ITGB4: variants seen among roughly 807,000 people sequenced by gnomAD.
ITGB4 encodes integrin beta-4.
In ITGB4, 159 loss-of-function variants were observed where a neutral mutation model predicts 207.6. That is an observed-to-expected ratio of 0.77 (90% CI 0.67 to 0.87). ITGB4 has a LOEUF of 0.87. Ranked by LOEUF, ITGB4 falls within the 40% of genes least tolerant of loss-of-function variation. The pLI, the probability that ITGB4 is intolerant of heterozygous loss-of-function variation, is 0.00. For synonymous variants in ITGB4, 1,020 were observed against 1,062.7 expected (o/e 0.96, Z 0.78); for missense variants, 2,278 against 2,546.8 (o/e 0.89, Z 2.27).
chr17:75,730,179 C>T (rs574848214), intron 7 of ITGB4, 62 bp from the exon 8 acceptor site: 56 of 1,605,730 alleles, frequency 3.5e-5, no homozygotes, highest in Middle Eastern at 2.1e-4. Flanking sequence ...TCCTACACGA[C>T]GCCGTGATGC....
At position 75,752,597 on chromosome 17, in the gene ITGB4, C is replaced by A; in HGVS notation, c.4108+20C>A. 2 of 1,613,088 alleles carry A rather than the reference C, an allele frequency of 1.2e-6. No homozygotes were observed. Among genetic ancestry groups the A allele is most frequent in the Non-Finnish European group, 1.7e-6 (2 of 1,179,788 alleles). On this transcript the variant is annotated intron_variant, in intron 32 of 39. Coordinates refer to ENST00000200181, the MANE Select transcript of ITGB4 (RefSeq NM_000213.5). The stretch of plus-strand genomic sequence containing the variant: ...ACACTGGTGAGTGGAGACCTGGGAC[C>A]CACAAGAGGACAGTGGGGGTCTTGG...
At chr17:75,754,964 A>T in intron 34 of ITGB4, 149 bp downstream of exon 34, 1 of 1,524,046 alleles carries the variant, frequency 6.6e-7, no homozygotes, top group African/African-American at 1.4e-5. Context: ...GTGCACACGC[A>T]TGCACACATG....
intron 32 of ITGB4, 23 bp downstream of exon 32, chr17:75,752,600 C>G (rs2061394400): frequency 6.2e-7 from 1 of 1,613,006 alleles, no homozygotes; most frequent in Non-Finnish European, 8.5e-7. Context: ...CTGGGACCCA[C>G]AAGAGGACAG....
Position 75,731,393 on chromosome 17 carries a change from G to A in ITGB4, c.1215+25G>A, listed in dbSNP as rs1488163539. ...GGTACGCCTCTGTGGGGGCAGCGGGGTGGGGGATAGGCACAGCGCCCCACA... is the reference window on the plus strand; with the variant it reads ...GGTACGCCTCTGTGGGGGCAGCGGGATGGGGGATAGGCACAGCGCCCCACA... On this transcript the variant is annotated intron_variant, in intron 10 of 39. Coordinates refer to ENST00000200181, the MANE Select transcript of ITGB4 (RefSeq NM_000213.5). This position sits in a 1 kb window ranked among gnomAD's most constrained non-coding sequence, Gnocchi z 6.8. The A allele has an allele frequency of 6.3e-7, 1 of 1,599,366 alleles. No individual in the cohort carries two copies. Among genetic ancestry groups the A allele is most frequent in the Non-Finnish European group, 8.5e-7 (1 of 1,170,726 alleles).
Position 75,754,693 on chromosome 17 carries a change from A to G in ITGB4, c.4436A>G (p.His1479Arg), listed in dbSNP as rs375629632. The part of the protein sequence containing the change: ...YGTHLSPHVP[H>R]RVLSTSSTLT... ...ACCCACCTGAGCCCACACGTGCCCC[A>G]CCGCGTGCTAAGCACATCCTCCACC... Residue 1479 changes from histidine to arginine, a missense_variant, in exon 34 of 40, where the codon CAC becomes CGC. Coordinates refer to ENST00000200181, the MANE Select transcript of ITGB4 (RefSeq NM_000213.5). The G allele has an allele frequency of 1.7e-5, 28 of 1,614,014 alleles. No homozygotes were observed. The highest frequency in any genetic ancestry group is 1.1e-4 in the East Asian group (5 of 44,866).
rs1238616250 is a variant in ITGB4 at position 75,731,832 on chromosome 17, G to A, written c.1236G>A (p.Leu412=). The change falls in exon 11 of 40, where the codon CTG becomes CTA. Residue 412 remains leucine (L), a synonymous_variant. Transcript: ENST00000200181. This position sits in a 1 kb window ranked among gnomAD's most constrained non-coding sequence, Gnocchi z 6.8. ...TGCAGGGTATATACCAGGTGCAGCT[G>A]CGGGCCCTTGAGCACGTGGATGGGA... The part of the protein sequence containing the change: ...RGEVGIYQVQ[L]RALEHVDGTH... 6.2e-7 allele frequency: 1 copy of A among 1,605,722 alleles called. No homozygotes were observed. The highest frequency in any genetic ancestry group is 1.1e-5 in the South Asian group (1 of 89,834).
chr17:75,736,188 A>G, intron 14 of ITGB4, 34 bp downstream of exon 14: 12 of 1,598,806 alleles, frequency 7.5e-6, no homozygotes, highest in Non-Finnish European at 1.0e-5. Flanking sequence ...AGTGTCTGTC[A>G]GCACCACCCA....
chr17:75,752,286 C>T lies in ITGB4; in HGVS notation c.3906C>T (p.Asn1302=), dbSNP rs773974926. Residue 1302 remains asparagine, a synonymous_variant, in exon 31 of 40, where the codon AAC becomes AAT. Coordinates refer to ENST00000200181, the MANE Select transcript of ITGB4 (RefSeq NM_000213.5). ...QPYRYTVKAR[N]GAGWGPEREA... Reference sequence around the variant, plus strand: ...ACCGCTACACGGTGAAGGCGCGCAACGGGGCCGGCTGGGGGCCTGAGCGGG... The same window carrying T: ...ACCGCTACACGGTGAAGGCGCGCAATGGGGCCGGCTGGGGGCCTGAGCGGG... 17 of 1,613,340 alleles carry T rather than the reference C, an allele frequency of 1.1e-5. No individual in the cohort carries two copies. Among genetic ancestry groups the T allele is most frequent in the East Asian group, 6.7e-5 (3 of 44,882 alleles).
chr17:75,727,884 A>C lies in ITGB4; in HGVS notation c.469+29A>C, dbSNP rs767737979. 6.2e-7 allele frequency: 1 copy of C among 1,605,540 alleles called. No individual in the cohort carries two copies. The highest frequency in any genetic ancestry group is 1.1e-5 in the South Asian group (1 of 90,858). ...CGGCAGGGCCAGAGTGGAGGACAGC[A>C]GGGCAGGAGGGGGACAGGTGGGCGT... On this transcript the variant is annotated intron_variant, in intron 5 of 39. Transcript: ENST00000200181. This position sits in a 1 kb window ranked among gnomAD's most constrained non-coding sequence, Gnocchi z 6.0.
intron 34 of ITGB4, 75 bp downstream of exon 34, chr17:75,754,890 G>C (rs951691918): frequency 1.2e-6 from 2 of 1,601,820 alleles, no homozygotes; most frequent in African/African-American, 2.7e-5. Context: ...TCGGGCTTCT[G>C]TCTGCTGTCC....
At chr17:75,745,279 G>C (rs2061208757) in intron 26 of ITGB4, among the ~76,000 whole-genome samples, 2 of 152,020 alleles carry the variant, frequency 1.3e-5, no homozygotes, top group Admixed American at 1.3e-4. Flanking sequence ...TGTGGACCCA[G>C]CTACTTGGAA....
rs1337845507 is a variant in ITGB4, at chr17:75,727,385, C to A, written c.163-19C>A. 1 of 1,613,786 alleles carries A rather than the reference C, an allele frequency of 6.2e-7. No individual in the cohort carries two copies. Among genetic ancestry groups the A allele is most frequent in the Non-Finnish European group, 8.5e-7 (1 of 1,179,754 alleles). ...GGGAATGGGTGCTGCCCCCAGTGACCCCCTGTCCTTCTGGCCAGATGTTCA... is the reference window on the plus strand; with the variant it reads ...GGGAATGGGTGCTGCCCCCAGTGACACCCTGTCCTTCTGGCCAGATGTTCA... On this transcript the variant is annotated intron_variant, in intron 3 of 39. Transcript: ENST00000200181. The surrounding 1 kb of genome is among the most constrained non-coding windows in gnomAD (Gnocchi z 6.0).
Position 75,739,110 on chromosome 17 carries a change from A to G in ITGB4, c.2221-562A>G, listed in dbSNP as rs566554388. ...CAGGAGTTGGAGACAAGCCCGGCCA[A>G]TATGGTGACACCCCATCTCTACTAG... On this transcript the variant is annotated intron_variant, in intron 18 of 39. Transcript: ENST00000200181. This position sits in a 1 kb window ranked among gnomAD's most constrained non-coding sequence, Gnocchi z 5.4. Among the ~76,000 whole-genome samples the G allele has an allele frequency of 7.9e-5, 12 of 152,276 alleles. No individual in the cohort carries two copies. Among genetic ancestry groups the G allele is most frequent in the African/African-American group, 2.2e-4 (9 of 41,552 alleles).
chr17:75,741,763 G>A (rs921664292), intron 23 of ITGB4, among the ~76,000 whole-genome samples: 12 of 151,414 alleles, frequency 7.9e-5, no homozygotes, highest in Admixed American at 5.9e-4. Context: ...CCGAGATTGC[G>A]CCACTGCACT....
Position 75,729,519 on chromosome 17 carries a change from C to A in ITGB4, c.738+83C>A. On this transcript the variant is annotated intron_variant, in intron 7 of 39. Transcript: ENST00000200181. This position sits in a 1 kb window ranked among gnomAD's most constrained non-coding sequence, Gnocchi z 4.4. Reference sequence around the variant, plus strand: ...GGCCTGAGCTGCCCCCTGGCCTGCTCTGGTGCCAGGCTCACAGGCCCTGAG... The same window carrying A: ...GGCCTGAGCTGCCCCCTGGCCTGCTATGGTGCCAGGCTCACAGGCCCTGAG... The A allele has an allele frequency of 7.0e-7, 1 of 1,438,260 alleles. No homozygotes were observed. The highest frequency in any genetic ancestry group is 1.3e-5 in the South Asian group (1 of 77,260). The allele number at this position is 1,438,260 out of a possible 1,614,324, so 89.1% of individuals were successfully genotyped here.
In ITGB4 at chr17:75,730,328, G is replaced by A. The variant is rs372938338; in HGVS notation, c.826G>A (p.Val276Met). 12 of 1,613,668 alleles carry A rather than the reference G, an allele frequency of 7.4e-6. No homozygotes were observed. The African/African-American group carries it at 9.3e-5, about 13-fold the overall frequency. The change falls in exon 8 of 40, where the codon GTG becomes ATG. Residue 276 changes from valine to methionine, a missense_variant. Transcript: ENST00000200181. ...AFHYEADGAN[V>M]LAGIMSRNDE... ...CCACTATGAGGCTGATGGCGCCAAC[G>A]TGCTGGCTGGCATCATGAGCCGCAA...
At position 75,748,898 on chromosome 17, in the gene ITGB4, C is replaced by A. The variant is rs759922753; in HGVS notation, c.3169C>A (p.Leu1057Met). Residue 1057 changes from leucine (L) to methionine (M), a missense_variant, in exon 27 of 40, where the codon CTG (leucine) becomes ATG (methionine). Physicochemically the swap from Leu to Met is conservative, Grantham distance 15. Coordinates refer to ENST00000200181, the MANE Select transcript of ITGB4 (RefSeq NM_000213.5). ...CCAGCCTGGGGAGGCCTGGAAAGAG[C>A]TGCAGGTGAAGCTCCTGGAGCTGCA... The part of the protein sequence containing the change: ...LFQPGEAWKE[L>M]QVKLLELQEV... 1 of 1,613,252 alleles carries A rather than the reference C, an allele frequency of 6.2e-7. No individual in the cohort carries two copies. Among genetic ancestry groups the A allele is most frequent in the Non-Finnish European group, 8.5e-7 (1 of 1,179,942 alleles).
rs1317239667 is a variant in ITGB4, at chr17:75,749,006, G to A, written c.3277G>A (p.Gly1093Ser). Residue 1093 changes from glycine to serine, a missense_variant, in exon 27 of 40, where the codon GGC becomes AGC. Gly to Ser is a moderately conservative substitution (Grantham distance 56, BLOSUM62 0). Transcript: ENST00000200181. ...CAACCCTAAGTTTGGGGCCCACCTGGGCCAGCCCCACTCCACCACCATCAT... is the reference window on the plus strand; with the variant it reads ...CAACCCTAAGTTTGGGGCCCACCTGAGCCAGCCCCACTCCACCACCATCAT... ...LSNPKFGAHL[G>S]QPHSTTIIIR... 2.5e-6 allele frequency: 4 copies of A among 1,612,658 alleles called. No individual in the cohort carries two copies. The highest frequency in any genetic ancestry group is 1.3e-5 in the African/African-American group (1 of 74,926).
rs1211367619 is a variant in ITGB4 at position 75,737,912 on chromosome 17, ATCAGGGTCCTCC to A, written c.2220+278_2220+289del. Among the ~76,000 whole-genome samples the A allele has an allele frequency of 3.3e-3, 484 of 146,854 alleles. 5 individuals are homozygous for A. Among genetic ancestry groups the A allele is most frequent in the African/African-American group, 0.012 (460 of 39,156 alleles). On this transcript the variant is annotated intron_variant, in intron 18 of 39. Coordinates refer to ENST00000200181, the MANE Select transcript of ITGB4 (RefSeq NM_000213.5). ...CTCTCTGACAGGGTCTCCACCCTCC[ATCAGGGTCCTCC>A]TCAGGGTCCCCAACCCCCACCAGGG... is the stretch of plus-strand genomic sequence containing the variant.
Sources: allele counts gnomAD v4.1 joint callset (sites outside exome capture counted in the v4.1 genomes callset), GRCh38; gene constraint gnomAD v4.1.1; non-coding constraint Gnocchi (gnomAD v3.1); transcripts MANE v1.5; gene names NCBI Gene and HGNC (gene_info 2026-07-23, HGNC 2026-07-21).